The following SIPA1L1 variants were observed in gnomAD, a reference collection of about 807,000 sequenced individuals.
SIPA1L1 encodes the protein signal-induced proliferation-associated 1-like protein 1.
A neutral mutation model predicts 162.7 loss-of-function variants in SIPA1L1; 26 were observed. That is an observed-to-expected ratio of 0.16 (90% CI 0.12 to 0.22). The LOEUF (loss-of-function observed/expected upper bound fraction) is 0.22, where lower values mean the gene tolerates loss of function less well. Among genes scored for constraint, SIPA1L1 ranks in the 10% least tolerant of loss-of-function variants. SIPA1L1 has a pLI of 1.00. For synonymous variants in SIPA1L1, 829 were observed against 837.4 expected (o/e 0.99, Z 0.17); for missense variants, 1,874 against 2,241.0 (o/e 0.84, Z 3.31).
In SIPA1L1 at chr14:71,709,485, C is replaced by G; in HGVS notation, c.4029C>G (p.His1343Gln). 6.2e-7 allele frequency: 1 copy of G among 1,614,232 alleles called. No individual in the cohort carries two copies. Among genetic ancestry groups the G allele is most frequent in the Non-Finnish European group, 8.5e-7 (1 of 1,180,036 alleles). Residue 1343 changes from histidine to glutamine, a missense_variant, in exon 17 of 24, where the codon CAC becomes CAG. Physicochemically the swap from His to Gln is conservative, Grantham distance 24. This residue lies in a region of SIPA1L1 where 936 missense variants were observed against 1,051.9 expected (regional missense o/e 0.89). Transcript: ENST00000381232. ...AGGAGAAAGTGGCACCCCTATGGCA[C>G]AGCTCCAGTGAAGTAATCTCCATGG... is the stretch of plus-strand genomic sequence containing the variant. ...PGKEKVAPLWHSSSEVISMAD... is the reference protein window; with the variant it reads ...PGKEKVAPLWQSSSEVISMAD...
At chr14:71,362,881 AG>A (rs1409758793) in intron 2 of SIPA1L1, among the ~76,000 whole-genome samples, 1 of 152,238 alleles carries the variant, frequency 6.6e-6, no homozygotes, top group Non-Finnish European at 1.5e-5. Flanking sequence ...CTTCTGTAAT[AG>A]AAGTATAGGT....
intron 22 of SIPA1L1, among the ~76,000 whole-genome samples, chr14:71,736,964 A>C (rs1045691521): frequency 1.3e-5 from 2 of 152,216 alleles, no homozygotes; most frequent in African/African-American, 4.8e-5. Flanking sequence ...GTGTCTGTCC[A>C]GCACCGCCCC....
chr14:71,423,313 A>C (rs900388655), intron 2 of SIPA1L1, among the ~76,000 whole-genome samples: 1 of 152,080 alleles, frequency 6.6e-6, no homozygotes, highest in African/African-American at 2.4e-5. Flanking sequence ...TGATGCACAA[A>C]ATTTTAAAAT....
intron 21 of SIPA1L1, among the ~76,000 whole-genome samples, chr14:71,734,937 G>A (rs1023467186): frequency 3.9e-5 from 6 of 152,148 alleles, no homozygotes; most frequent in Admixed American, 2.0e-4. Context: ...GCTCTCGAAC[G>A]CATTTATTTC....
chr14:71,481,228 T>C (rs1032098360), intron 2 of SIPA1L1, among the ~76,000 whole-genome samples: 4 of 152,162 alleles, frequency 2.6e-5, no homozygotes, highest in African/African-American at 9.7e-5. Flanking sequence ...CCTGTAACCC[T>C]AGCACTTTGA....
At chr14:71,447,792 C>T (rs1159129897) in intron 2 of SIPA1L1, among the ~76,000 whole-genome samples, 3 of 152,038 alleles carry the variant, frequency 2.0e-5, no homozygotes, top group African/African-American at 7.3e-5. Context: ...TGGTCTCGAA[C>T]TCCTGAGCTC....
At chr14:71,541,148 C>G (rs991885602) in intron 4 of SIPA1L1, among the ~76,000 whole-genome samples, 7 of 151,848 alleles carry the variant, frequency 4.6e-5, no homozygotes, top group Non-Finnish European at 1.0e-4. Context: ...CTTATTTATG[C>G]TATATGGAAG....
At chr14:71,511,011 AC>A (rs1595839492) in intron 2 of SIPA1L1, among the ~76,000 whole-genome samples, 2 of 152,102 alleles carry the variant, frequency 1.3e-5, no homozygotes, top group African/African-American at 4.8e-5. Flanking sequence ...CCATTGATCT[AC>A]TTTTCTTTTA....
Position 71,322,832 on chromosome 14 carries a change from T to A in SIPA1L1, c.-465+1651T>A, listed in dbSNP as rs986778873. 2.6e-5 allele frequency among the ~76,000 whole-genome samples: 4 copies of A among 152,228 alleles called. No homozygotes were observed. In the South Asian group the frequency reaches 6.2e-4, roughly 24 times the overall value. ...AAGTTTGGTGAGTGGCTTGAGACAG[T>A]CAGTAGGTGTTGCTGTTGTTAGCTT... On this transcript the variant is annotated intron_variant, in intron 2 of 23. Coordinates refer to ENST00000381232, the MANE Select transcript of SIPA1L1 (RefSeq NM_001386936.1).
intron 17 of SIPA1L1, among the ~76,000 whole-genome samples, chr14:71,718,823 G>A (rs1042649863): frequency 3.3e-5 from 5 of 152,118 alleles, no homozygotes; most frequent in Non-Finnish European, 1.5e-5. Context: ...TTTTCTCCAT[G>A]GCTATGTTAT....
At chr14:71,708,344 G>A (rs1243652719) in intron 16 of SIPA1L1, among the ~76,000 whole-genome samples, 2 of 148,262 alleles carry the variant, frequency 1.3e-5, no homozygotes, top group Non-Finnish European at 3.0e-5. Context: ...TTTTGAGACA[G>A]GGTATCACTC....
chr14:71,517,907 T>C (rs571165074), intron 3 of SIPA1L1, among the ~76,000 whole-genome samples: 15 of 152,322 alleles, frequency 9.8e-5, no homozygotes, highest in South Asian at 2.1e-4. Flanking sequence ...GATATGATTT[T>C]TAATTTGTGG....
At chr14:71,663,473 T>C (rs182523987) in intron 10 of SIPA1L1, among the ~76,000 whole-genome samples, 209 of 152,268 alleles carry the variant, frequency 1.4e-3, no homozygotes, top group Non-Finnish European at 2.5e-3. Context: ...GAATTAAGTA[T>C]CCATTTTTAA....
At chr14:71,485,267 AT>A (rs1171912197) in intron 2 of SIPA1L1, among the ~76,000 whole-genome samples, 2 of 152,214 alleles carry the variant, frequency 1.3e-5, no homozygotes, top group Non-Finnish European at 2.9e-5. Flanking sequence ...CCAGATATTC[AT>A]TTAGAGAAGG....
intron 2 of SIPA1L1, among the ~76,000 whole-genome samples, chr14:71,405,207 G>GTGACACCTAAGAAGGAAAGT (rs1345663792): frequency 2.6e-5 from 4 of 152,176 alleles, no homozygotes; most frequent in African/African-American, 9.7e-5. Flanking sequence ...GACCAGGAAA[G>GTGACACCTAAGAAGGAAAGT]GTCCTTCTGA....
chr14:71,468,086 A>AGT, intron 2 of SIPA1L1, among the ~76,000 whole-genome samples: 1 of 151,476 alleles, frequency 6.6e-6, no homozygotes. Context: ...GACTTCTCCT[A>AGT]TAATCAGTTG....
chr14:71,562,577 G>T (rs2056882905), intron 4 of SIPA1L1, among the ~76,000 whole-genome samples: 1 of 152,142 alleles, frequency 6.6e-6, no homozygotes, highest in African/African-American at 2.4e-5. Flanking sequence ...TCAGTAACTT[G>T]CATGTTAAGA....
chr14:71,675,352 CTACAGTTTCCATCTGAAAAGCCA>C (rs879646421), intron 12 of SIPA1L1, among the ~76,000 whole-genome samples: 15,765 of 149,530 alleles, frequency 0.11, 1,387 homozygotes, highest in East Asian at 0.36. Flanking sequence ...GCCCCTTTCA[CTACAGTTTCCATCTGAAAAGCCA>C]TACAGTTTCC....
chr14:71,404,398 G>A (rs1056311633), intron 2 of SIPA1L1, among the ~76,000 whole-genome samples: 2 of 152,124 alleles, frequency 1.3e-5, no homozygotes, highest in Non-Finnish European at 2.9e-5. Context: ...ACAAAAATTA[G>A]CTGGACTTGA....
Sources: allele counts gnomAD v4.1 joint callset (sites outside exome capture counted in the v4.1 genomes callset), GRCh38; gene constraint gnomAD v4.1.1; regional missense constraint gnomAD v4.1.1; transcripts MANE v1.5; gene names NCBI Gene and HGNC (gene_info 2026-07-23, HGNC 2026-07-21).